The following PPP3CB variants were observed in gnomAD, a reference collection of about 807,000 sequenced individuals.
The protein encoded by PPP3CB is protein phosphatase 3 catalytic subunit beta.
In PPP3CB, 8 loss-of-function variants were observed where a neutral mutation model predicts 66.4. That is an observed-to-expected ratio of 0.12 (90% CI 0.07 to 0.22). The LOEUF (loss-of-function observed/expected upper bound fraction) is 0.22, where lower values mean the gene tolerates loss of function less well. PPP3CB is among the 10% of genes least tolerant of loss of function. The pLI is 1.00. For missense variants in PPP3CB, 319 were observed against 642.5 expected (o/e 0.50, Z 5.44); for synonymous variants, 208 against 221.2 (o/e 0.94, Z 0.53).
rs57190155 is a variant in PPP3CB at position 73,485,908 on chromosome 10, T to TTGTGTG, written c.86-6397_86-6392dup. Among the ~76,000 whole-genome samples the TTGTGTG allele has an allele frequency of 9.0e-3, 1,090 of 121,286 alleles. 11 individuals are homozygous for TTGTGTG. Among genetic ancestry groups the TTGTGTG allele is most frequent in the Non-Finnish European group, 0.013 (807 of 59,778 alleles). 79.6% of individuals were successfully genotyped at this position (121,286 alleles called of 152,430 possible). A position where few individuals can be genotyped will look rare whatever the true frequency, so the allele number is the denominator to read the frequency against. On this transcript the variant is annotated intron_variant, in intron 1 of 13. Transcript: ENST00000360663. ...GGCACACACCACCACACCTGGCTAA[T>TTGTGTG]TGTGTGTGTGTGTGTGTGTGTGTGT...
intron 9 of PPP3CB, among the ~76,000 whole-genome samples, chr10:73,460,491 C>T (rs1230965901): frequency 6.6e-6 from 1 of 151,992 alleles, no homozygotes; most frequent in African/African-American, 2.4e-5. Context: ...ATGGAAGGGT[C>T]ACCTCTTCAA....
At chr10:73,453,941 A>T (rs113801646) in intron 10 of PPP3CB, among the ~76,000 whole-genome samples, 1 of 152,208 alleles carries the variant, frequency 6.6e-6, no homozygotes, top group African/African-American at 2.4e-5. Flanking sequence ...AGAATCTGAA[A>T]CTAAATTAGC....
At chr10:73,460,745 T>C (rs2041886408) in intron 9 of PPP3CB, among the ~76,000 whole-genome samples, 1 of 152,226 alleles carries the variant, frequency 6.6e-6, no homozygotes, top group African/African-American at 2.4e-5. Context: ...AGGAGCCCAT[T>C]GACCAGAACA....
chr10:73,495,592 C>A (rs1315911303), intron 1 of PPP3CB: 1 of 572,084 alleles, frequency 1.7e-6, no homozygotes, highest in Non-Finnish European at 2.6e-6. Flanking sequence ...GCAAAACCTC[C>A]GCCCCGGCCT....
intron 1 of PPP3CB, 148 bp downstream of exon 1, chr10:73,495,657 G>A (rs1405000717): frequency 2.4e-6 from 3 of 1,250,722 alleles, no homozygotes; most frequent in Non-Finnish European, 3.1e-6. Flanking sequence ...CTGCCCAGCA[G>A]GGGCCCGCCC....
chr10:73,472,322 C>A (rs2056714745), intron 4 of PPP3CB, among the ~76,000 whole-genome samples: 1 of 152,094 alleles, frequency 6.6e-6, no homozygotes, highest in Non-Finnish European at 1.5e-5. Flanking sequence ...TGGCAGAACA[C>A]TGTCTCTACT....
At chr10:73,475,903 T>C (rs571040297) in intron 3 of PPP3CB, among the ~76,000 whole-genome samples, 2 of 152,320 alleles carry the variant, frequency 1.3e-5, no homozygotes, top group East Asian at 3.9e-4. Context: ...GTCACCCAGG[T>C]TGGAGTGCAA....
At chr10:73,442,708 C>A (rs1323741419) in intron 12 of PPP3CB, among the ~76,000 whole-genome samples, 1 of 149,992 alleles carries the variant, frequency 6.7e-6, no homozygotes, top group Non-Finnish European at 1.5e-5. Context: ...CAAATCAAAG[C>A]AGGTTGTTTT....
In PPP3CB at chr10:73,446,610, G is replaced by GA. The variant is rs757345005; in HGVS notation, c.1187-38_1187-37insT. 96 of 1,566,536 alleles carry GA rather than the reference G, an allele frequency of 6.1e-5. No homozygotes were observed. In the African/African-American group the frequency reaches 1.2e-3, roughly 19 times the overall value. ...GGAATAAATAGAGAGAAAGGCTCAA[G>GA]TTTAGGGCATGCATGCTTACAATAT... On this transcript the variant is annotated intron_variant, in intron 10 of 13. Coordinates refer to ENST00000360663, the MANE Select transcript of PPP3CB (RefSeq NM_021132.4).
At chr10:73,465,668 T>C (rs1400991841) in intron 9 of PPP3CB, among the ~76,000 whole-genome samples, 2 of 152,236 alleles carry the variant, frequency 1.3e-5, no homozygotes, top group Non-Finnish European at 2.9e-5. Context: ...TGGCTTAGGT[T>C]AGTTCCTGCT....
At chr10:73,459,126 T>C (rs1389954178) in intron 9 of PPP3CB, among the ~76,000 whole-genome samples, 2 of 152,104 alleles carry the variant, frequency 1.3e-5, no homozygotes, top group African/African-American at 4.8e-5. Context: ...GTTTGGCAGA[T>C]CCTTAAAAGG....
chr10:73,482,524 C>A (rs1167050605), intron 1 of PPP3CB, among the ~76,000 whole-genome samples: 8 of 103,640 alleles, frequency 7.7e-5, no homozygotes, highest in African/African-American at 2.7e-4. Context: ...GCCTGGGCGA[C>A]AGAGCGAGAC....
intron 1 of PPP3CB, among the ~76,000 whole-genome samples, chr10:73,485,948 G>A (rs1554826076): frequency 2.9e-4 from 35 of 122,300 alleles, no homozygotes; most frequent in African/African-American, 5.5e-4. Context: ...GTGTGTGTGT[G>A]TGTATTTTTT....
intron 1 of PPP3CB, among the ~76,000 whole-genome samples, chr10:73,481,202 A>G (rs1411954922): frequency 6.9e-6 from 1 of 145,310 alleles, no homozygotes; most frequent in Admixed American, 7.1e-5. Flanking sequence ...GGCCGGGTGC[A>G]GTGACTCACA....
At chr10:73,461,166 T>C (rs2056514963) in intron 9 of PPP3CB, among the ~76,000 whole-genome samples, 1 of 152,202 alleles carries the variant, frequency 6.6e-6, no homozygotes. Context: ...TAAGATTTAA[T>C]GACTGGCGTG....
intron 1 of PPP3CB, among the ~76,000 whole-genome samples, chr10:73,491,121 C>T (rs939465950): frequency 6.8e-6 from 1 of 147,836 alleles, no homozygotes; most frequent in South Asian, 2.1e-4. Flanking sequence ...ATCTCCGCCT[C>T]GCAGGTTCAA....
At chr10:73,466,484 C>T (rs1258941094) in intron 9 of PPP3CB, among the ~76,000 whole-genome samples, 2 of 152,108 alleles carry the variant, frequency 1.3e-5, no homozygotes, top group East Asian at 1.9e-4. Context: ...TCTGATGATG[C>T]TATGATTGAA....
intron 9 of PPP3CB, among the ~76,000 whole-genome samples, chr10:73,464,422 A>C (rs978108499): frequency 4.6e-5 from 7 of 152,194 alleles, no homozygotes; most frequent in African/African-American, 1.7e-4. Context: ...GTCAATAAAT[A>C]AATCTTACAT....
At chr10:73,444,396 C>A in intron 12 of PPP3CB, 1 of 583,362 alleles carries the variant, frequency 1.7e-6, no homozygotes, top group South Asian at 2.9e-5. Context: ...CATTCTGAAA[C>A]TGGGGCTTTT....
Sources: allele counts gnomAD v4.1 joint callset (sites outside exome capture counted in the v4.1 genomes callset), GRCh38; gene constraint gnomAD v4.1.1; transcripts MANE v1.5; gene names NCBI Gene and HGNC (gene_info 2026-07-23, HGNC 2026-07-21).